UTP15: variants seen among roughly 807,000 people sequenced by gnomAD.
The protein encoded by UTP15 is U3 small nucleolar RNA-associated protein 15 homolog.
A neutral mutation model predicts 59.1 loss-of-function variants in UTP15; 5 were observed. That is an observed-to-expected ratio of 0.08 (90% confidence interval 0.04 to 0.18). The LOEUF (loss-of-function observed/expected upper bound fraction) is 0.18, where lower values mean the gene tolerates loss of function less well. Ranked by LOEUF, UTP15 falls within the 10% of genes least tolerant of loss-of-function variation. The pLI is 1.00. For missense variants in UTP15, 494 were observed against 616.7 expected, an observed-to-expected ratio of 0.80 and a Z score of 2.11; for synonymous variants, 211 against 212.2, an observed-to-expected ratio of 0.99 and a Z score of 0.05.
Position 73,572,607 on chromosome 5 carries a change from C to T in UTP15, c.792C>T (p.Leu264=), listed in dbSNP as rs757949722. Residue 264 remains leucine, a synonymous_variant, in exon 7 of 13, where the codon CTC becomes CTT. Transcript: ENST00000296792. ...TAAGCAGCTCTGGACAGAGGTTACT[C>T]TCTGGCTCACTGGATAGGTTGGCAT... The part of the protein sequence containing the change: ...LCLSSSGQRL[L]SGSLDRKVKV... 11 of 1,613,446 alleles carry T rather than the reference C, an allele frequency of 6.8e-6. No homozygotes were observed. The East Asian group carries it at 1.3e-4, about 20-fold the overall frequency.
Position 73,568,614 on chromosome 5 carries a change from A to T in UTP15, c.368+10A>T, listed in dbSNP as rs1397181120. 7 of 1,597,120 alleles carry T rather than the reference A, an allele frequency of 4.4e-6. No individual in the cohort carries two copies. The highest frequency in any genetic ancestry group is 6.0e-6 in the Non-Finnish European group (7 of 1,174,042). ...TTGAAGGCCATACAAAGTAAGAGAC[A>T]GTTGGTTTCTGTGTGTTCTGGTTTT... On this transcript the variant is annotated intron_variant, in intron 4 of 12. Transcript: ENST00000296792.
intron 12 of UTP15, 95 bp from the exon 13 acceptor site, chr5:73,579,782 A>T (rs1307873095): frequency 1.5e-6 from 1 of 660,650 alleles, no homozygotes; most frequent in East Asian, 3.0e-5. Context: ...CAGTGTTCTT[A>T]TGTTTAATAT....
At chr5:73,568,019 G>A (rs1326568408) in intron 2 of UTP15, among the ~76,000 whole-genome samples, 1 of 152,102 alleles carries the variant, frequency 6.6e-6, no homozygotes, top group Non-Finnish European at 1.5e-5. Flanking sequence ...GACAGAGTGG[G>A]GTGTGGCTTT....
At position 73,572,527 on chromosome 5, in the gene UTP15, G is replaced by A; in HGVS notation, c.712G>A (p.Gly238Arg). Reference sequence around the variant, plus strand: ...TAAAGTCTGGGACATGTTAAAAGGAGGACAATTGCTAGTATCTTTGAAAAA... The same window carrying A: ...TAAAGTCTGGGACATGTTAAAAGGAAGACAATTGCTAGTATCTTTGAAAAA... ...YVKVWDMLKG[G>R]QLLVSLKNHH... is the part of the protein sequence containing the mutation. Residue 238 changes from glycine (G) to arginine (R), a missense_variant, in exon 7 of 13, where the codon GGA becomes AGA. Gly to Arg is a moderately radical substitution (Grantham distance 125). Coordinates refer to ENST00000296792, the MANE Select transcript of UTP15 (RefSeq NM_032175.4). The A allele has an allele frequency of 6.2e-7, 1 of 1,614,140 alleles. No individual in the cohort carries two copies.
chr5:73,576,683 G>A (rs184079660), intron 7 of UTP15, among the ~76,000 whole-genome samples: 1 of 152,146 alleles, frequency 6.6e-6, no homozygotes, highest in African/African-American at 2.4e-5. Context: ...ATGTTGGTCA[G>A]GCTGGTCTCG....
chr5:73,572,485 A>G lies in UTP15; in HGVS notation c.674-4A>G. ...ATCCAACTAACGATGATTTCTTTTT[A>G]TAGGAGGTCGTTATGTTAAAGTCTG... On this transcript the variant is annotated splice_polypyrimidine_tract_variant and splice_region_variant and intron_variant, in intron 6 of 12. Coordinates refer to ENST00000296792, the MANE Select transcript of UTP15 (RefSeq NM_032175.4). The G allele has an allele frequency of 6.2e-7, 1 of 1,612,336 alleles. No individual in the cohort carries two copies. Among genetic ancestry groups the G allele is most frequent in the Non-Finnish European group, 8.5e-7 (1 of 1,179,490 alleles).
chr5:73,570,506 TTTTAAAA>T, intron 5 of UTP15, 73 bp from the exon 6 acceptor site: 2 of 1,450,778 alleles, frequency 1.4e-6, no homozygotes, highest in Non-Finnish European at 1.9e-6. Flanking sequence ...CTTTTTTTCC[TTTTAAAA>T]TTTATATCTG....
rs538239458 is a variant in UTP15 at position 73,582,598 on chromosome 5, A to C, written c.*2504A>C. The C allele has an allele frequency of 3.3e-5, 5 of 152,284 alleles. No homozygotes were observed. Among genetic ancestry groups the C allele is most frequent in the African/African-American group, 1.2e-4 (5 of 41,564 alleles). The allele number at this position is 152,284 out of a possible 1,614,324, so 9.4% of individuals were successfully genotyped here. ...GATAAGAGGTCTCACCATGTTGCCC[A>C]GGCCTGAGGCAATCTCCTGGTTTCA... On this transcript the variant is annotated 3_prime_UTR_variant, in exon 13 of 13. Transcript: ENST00000296792.
intron 11 of UTP15, 53 bp from the exon 12 acceptor site, chr5:73,579,264 G>T: frequency 6.3e-7 from 1 of 1,589,912 alleles, no homozygotes; most frequent in East Asian, 2.2e-5. Flanking sequence ...TCTGTTTTAA[G>T]GATTTTTTTT....
At chr5:73,570,847 G>A in intron 6 of UTP15, 136 bp downstream of exon 6, 2 of 1,242,320 alleles carry the variant, frequency 1.6e-6, no homozygotes, top group South Asian at 1.4e-5. Context: ...TGATAGGTAG[G>A]ACTGGCAAGC....
Position 73,568,614 on chromosome 5 carries a change from A to G in UTP15, c.368+10A>G, listed in dbSNP as rs1397181120. 2.5e-6 allele frequency: 4 copies of G among 1,597,002 alleles called. No homozygotes were observed. Among genetic ancestry groups the G allele is most frequent in the African/African-American group, 1.4e-5 (1 of 73,674 alleles). The stretch of plus-strand genomic sequence containing the variant: ...TTGAAGGCCATACAAAGTAAGAGAC[A>G]GTTGGTTTCTGTGTGTTCTGGTTTT... On this transcript the variant is annotated intron_variant, in intron 4 of 12. Coordinates refer to ENST00000296792, the MANE Select transcript of UTP15 (RefSeq NM_032175.4).
chr5:73,573,366 G>A (rs1284106775), intron 7 of UTP15, among the ~76,000 whole-genome samples: 2 of 149,180 alleles, frequency 1.3e-5, no homozygotes, highest in African/African-American at 4.9e-5. Context: ...TCGTGACCCA[G>A]CCTCCCAAGT....
intron 7 of UTP15, among the ~76,000 whole-genome samples, chr5:73,574,159 C>T (rs994644145): frequency 1.3e-5 from 2 of 151,350 alleles, no homozygotes; most frequent in Admixed American, 1.3e-4. Context: ...CCCATCTCTA[C>T]AAAAAATTAA....
At chr5:73,574,248 G>A (rs74597388) in intron 7 of UTP15, among the ~76,000 whole-genome samples, 1,929 of 151,844 alleles carry the variant, frequency 0.013, 37 homozygotes, top group African/African-American at 0.043. Context: ...CACTTAAGCC[G>A]GAGTTTGAGG....
Position 73,579,940 on chromosome 5 carries a change from G to C in UTP15, c.1403G>C (p.Gly468Ala), listed in dbSNP as rs1471142182. Residue 468 changes from glycine to alanine, a missense_variant, in exon 13 of 13, where the codon GGA becomes GCA. Coordinates refer to ENST00000296792, the MANE Select transcript of UTP15 (RefSeq NM_032175.4). The part of the protein sequence containing the change: ...VVDKKFLLLQ[G>A]LVEKEIDYQR... ...GATAAAAAGTTTTTACTACTTCAAG[G>C]ACTTGTAGAAAAAGAGATTGATTAC... is the stretch of plus-strand genomic sequence containing the variant. 1 of 1,613,580 alleles carries C rather than the reference G, an allele frequency of 6.2e-7. No individual in the cohort carries two copies. The highest frequency in any genetic ancestry group is 8.5e-7 in the Non-Finnish European group (1 of 1,179,778).
chr5:73,582,129 T>C lies in UTP15; in HGVS notation c.*2035T>C, dbSNP rs187540445. 3.9e-5 allele frequency: 6 copies of C among 152,314 alleles called. No individual in the cohort carries two copies. Among genetic ancestry groups the C allele is most frequent in the East Asian group, 3.9e-4 (2 of 5,184 alleles). 9.4% of individuals were successfully genotyped at this position (152,314 alleles called of 1,614,324 possible). On this transcript the variant is annotated 3_prime_UTR_variant, in exon 13 of 13. Coordinates refer to ENST00000296792, the MANE Select transcript of UTP15 (RefSeq NM_032175.4). ...TGATTCTCACCACAACCATCCAAGG[T>C]TGATGTTATTCTCATTTAACATTGA...
chr5:73,568,714 C>T, intron 4 of UTP15, 110 bp downstream of exon 4: 1 of 1,000,568 alleles, frequency 1.0e-6, no homozygotes, highest in South Asian at 1.9e-5. Context: ...GATTATTTGC[C>T]TATAGGTACT....
Position 73,580,203 on chromosome 5 carries a change from C to A in UTP15, c.*109C>A. 1 of 932,582 alleles carries A rather than the reference C, an allele frequency of 1.1e-6. No homozygotes were observed. Among genetic ancestry groups the A allele is most frequent in the Non-Finnish European group, 1.6e-6 (1 of 637,892 alleles). 57.8% of individuals were successfully genotyped at this position (932,582 alleles called of 1,614,324 possible). A position where few individuals can be genotyped will look rare whatever the true frequency, so the allele number is the denominator to read the frequency against. Reference sequence around the variant, plus strand: ...ACATTAAAAAAACTGTTTGCAGAAGCAGTTCTGTGGAAGAGACTGGAATAA... The same window carrying A: ...ACATTAAAAAAACTGTTTGCAGAAGAAGTTCTGTGGAAGAGACTGGAATAA... On this transcript the variant is annotated 3_prime_UTR_variant, in exon 13 of 13. Coordinates refer to ENST00000296792, the MANE Select transcript of UTP15 (RefSeq NM_032175.4).
intron 7 of UTP15, among the ~76,000 whole-genome samples, chr5:73,575,473 A>G (rs1748062075): frequency 6.6e-6 from 1 of 152,240 alleles, no homozygotes; most frequent in Non-Finnish European, 1.5e-5. Flanking sequence ...CCCACAAAAA[A>G]GAATTCTGTG....
Sources: gnomAD v4.1 joint callset for allele counts (sites outside exome capture counted in the v4.1 genomes callset) on GRCh38, gnomAD v4.1.1 for gene constraint, MANE v1.5 for transcripts, NCBI Gene and HGNC (gene_info 2026-07-23, HGNC 2026-07-21) for gene names.